Variants in LOC128462377 observed in about 807,000 individuals in gnomAD.
At chr16:89,377,741 C>G in the LOC128462377 span, among the ~76,000 whole-genome samples, 2 of 152,122 alleles carry the variant, frequency 1.3e-5, no homozygotes, top group Non-Finnish European at 2.9e-5. Flanking sequence ...GGCACTGAAA[C>G]TAAAGCCAAC....
At chr16:89,369,196 T>C in the LOC128462377 span, among the ~76,000 whole-genome samples, 23 of 152,222 alleles carry the variant, frequency 1.5e-4, no homozygotes, top group African/African-American at 5.1e-4. Flanking sequence ...AGAGAGAATA[T>C]GAAACAATAA....
the LOC128462377 span, among the ~76,000 whole-genome samples, chr16:89,338,424 TAAAA>T: frequency 3.1e-5 from 4 of 127,008 alleles, no homozygotes; most frequent in East Asian, 2.2e-4. Flanking sequence ...TACACTCTGT[TAAAA>T]AAAAAAAAAA....
chr16:89,365,392 A>G, the LOC128462377 span, among the ~76,000 whole-genome samples: 1 of 152,206 alleles, frequency 6.6e-6, no homozygotes, highest in African/African-American at 2.4e-5. Context: ...GAACACAGAC[A>G]TCCTTGGCCA....
At chr16:89,358,750 TA>T in the LOC128462377 span, among the ~76,000 whole-genome samples, 1 of 152,162 alleles carries the variant, frequency 6.6e-6, no homozygotes. Flanking sequence ...CAGCCCTAGA[TA>T]ACCCCACGTG....
At chr16:89,394,992 G>A in the LOC128462377 span, among the ~76,000 whole-genome samples, 1 of 152,180 alleles carries the variant, frequency 6.6e-6, no homozygotes, top group Non-Finnish European at 1.5e-5. Flanking sequence ...CTCCAAACCA[G>A]CAAATACATC....
the LOC128462377 span, among the ~76,000 whole-genome samples, chr16:89,342,294 C>A: frequency 0.01 from 1,541 of 152,374 alleles, 22 homozygotes; most frequent in African/African-American, 0.035. Context: ...AGCGGCAGCC[C>A]AGGCTCAGAC....
chr16:89,322,337 C>T, the LOC128462377 span, among the ~76,000 whole-genome samples: 1 of 152,352 alleles, frequency 6.6e-6, no homozygotes, highest in East Asian at 1.9e-4. Flanking sequence ...GTTGATAGAA[C>T]AGGCCTTTAC....
At chr16:89,340,461 G>C in the LOC128462377 span, among the ~76,000 whole-genome samples, 2 of 152,194 alleles carry the variant, frequency 1.3e-5, no homozygotes, top group Non-Finnish European at 2.9e-5. Context: ...TTTTAGTAGA[G>C]ATGGGGTTTC....
chr16:89,354,013 T>C, the LOC128462377 span, among the ~76,000 whole-genome samples: 1 of 152,138 alleles, frequency 6.6e-6, no homozygotes, highest in African/African-American at 2.4e-5. Flanking sequence ...GCCCCAAGTC[T>C]GTAAATAATT....
the LOC128462377 span, among the ~76,000 whole-genome samples, chr16:89,342,474 A>G: frequency 6.6e-6 from 1 of 152,260 alleles, no homozygotes; most frequent in South Asian, 2.1e-4. Flanking sequence ...GGAACAAGGC[A>G]AAGCGTGAGG....
the LOC128462377 span, among the ~76,000 whole-genome samples, chr16:89,336,707 C>A: frequency 3.3e-5 from 5 of 152,192 alleles, no homozygotes; most frequent in Admixed American, 3.3e-4. Flanking sequence ...GTCCTAAAAG[C>A]ACGCCCTACA....
the LOC128462377 span, among the ~76,000 whole-genome samples, chr16:89,393,308 A>ATTTTTTTTT: frequency 6.9e-6 from 1 of 145,146 alleles, no homozygotes; most frequent in African/African-American, 2.6e-5. Flanking sequence ...TACTTTTTTT[A>ATTTTTTTTT]TTTTTATTTT....
At chr16:89,359,853 C>G in the LOC128462377 span, among the ~76,000 whole-genome samples, 26 of 152,240 alleles carry the variant, frequency 1.7e-4, no homozygotes, top group African/African-American at 6.0e-4. Context: ...ACCCTAAGAA[C>G]AGAGAGTGCC....
the LOC128462377 span, among the ~76,000 whole-genome samples, chr16:89,368,010 C>T: frequency 6.6e-6 from 1 of 151,734 alleles, no homozygotes; most frequent in East Asian, 1.9e-4. Flanking sequence ...TCTCTCAAAA[C>T]AAAAAACAAA....
chr16:89,347,760 G>A, the LOC128462377 span, among the ~76,000 whole-genome samples: 1 of 152,038 alleles, frequency 6.6e-6, no homozygotes, highest in Admixed American at 6.6e-5. Flanking sequence ...ACAAAGAGAT[G>A]ACCACAAACA....
the LOC128462377 span, among the ~76,000 whole-genome samples, chr16:89,362,559 A>C: frequency 0.51 from 77,382 of 152,150 alleles, 20,152 homozygotes; most frequent in Middle Eastern, 0.74. Context: ...AAAAAGTAGA[A>C]GTTCCTCTTC....
chr16:89,353,838 C>G, the LOC128462377 span, among the ~76,000 whole-genome samples: 1 of 152,198 alleles, frequency 6.6e-6, no homozygotes. Flanking sequence ...TATGGGAACA[C>G]AACACACATC....
At chr16:89,326,669 G>A in the LOC128462377 span, among the ~76,000 whole-genome samples, 1 of 152,174 alleles carries the variant, frequency 6.6e-6, no homozygotes, top group East Asian at 1.9e-4. Context: ...TTGGGCCCAG[G>A]AGGTCGAGGC....
the LOC128462377 span, among the ~76,000 whole-genome samples, chr16:89,374,505 C>T: frequency 6.6e-6 from 1 of 152,228 alleles, no homozygotes; most frequent in Non-Finnish European, 1.5e-5. Context: ...AAGCCCTGCT[C>T]TGTGAGAGAA....
Sources: gnomAD v4.1 joint callset for allele counts (sites outside exome capture counted in the v4.1 genomes callset) on GRCh38, gnomAD v4.1.1 for gene constraint, MANE v1.5 for transcripts.